CDH18: variants seen among roughly 807,000 people sequenced by gnomAD.
CDH18 encodes cadherin 18, also known as cadherin-18.
A neutral mutation model predicts 67.9 loss-of-function variants in CDH18; 31 were observed. The observed-to-expected ratio is 0.46, with a 90% confidence interval of 0.34 to 0.62. The LOEUF (loss-of-function observed/expected upper bound fraction) is 0.62. CDH18 is among the 20% of genes least tolerant of loss of function. The pLI, the probability that CDH18 is intolerant of heterozygous loss-of-function variation, is 0.01. For missense variants in CDH18, 890 were observed against 975.5 expected, an observed-to-expected ratio of 0.91 and a Z score of 1.17; for synonymous variants, 362 against 347.2, an observed-to-expected ratio of 1.04 and a Z score of -0.48.
intron 11 of CDH18, among the ~76,000 whole-genome samples, chr5:19,499,052 G>A (rs748051959): frequency 6.6e-6 from 1 of 152,172 alleles, no homozygotes; most frequent in Non-Finnish European, 1.5e-5. Flanking sequence ...ACTTGCCACA[G>A]AAACCTACAG....
intron 11 of CDH18, among the ~76,000 whole-genome samples, chr5:19,491,773 T>A (rs548078168): frequency 1.3e-5 from 2 of 152,028 alleles, no homozygotes; most frequent in East Asian, 3.9e-4. Flanking sequence ...ATAAATGTTA[T>A]GATCATTTTT....
intron 12 of CDH18, among the ~76,000 whole-genome samples, chr5:19,474,899 T>C (rs1738179287): frequency 6.6e-6 from 1 of 152,080 alleles, no homozygotes; most frequent in Admixed American, 6.6e-5. Flanking sequence ...CTGTTTCTAT[T>C]TGATGAAATT....
intron 2 of CDH18, among the ~76,000 whole-genome samples, chr5:20,178,885 G>C (rs1010703656): frequency 5.3e-5 from 8 of 152,074 alleles, no homozygotes; most frequent in Admixed American, 1.3e-4. Flanking sequence ...AATAAGTCAT[G>C]TGTTCTTGCA....
At chr5:19,487,717 G>C (rs1579740764) in intron 11 of CDH18, among the ~76,000 whole-genome samples, 1 of 151,922 alleles carries the variant, frequency 6.6e-6, no homozygotes, top group Non-Finnish European at 1.5e-5. Context: ...CCCATTTCTT[G>C]TTCAAAAAGA....
At chr5:19,543,723 T>A (rs1318731445) in intron 9 of CDH18, 146 bp downstream of exon 9, 1 of 467,800 alleles carries the variant, frequency 2.1e-6, no homozygotes, top group Non-Finnish European at 3.7e-6. Flanking sequence ...TATCTGATAA[T>A]GAGAAATTAT....
intron 2 of CDH18, among the ~76,000 whole-genome samples, chr5:20,249,382 CTTT>C (rs11395247): frequency 1.5e-5 from 2 of 129,726 alleles, no homozygotes; most frequent in Admixed American, 8.5e-5. Flanking sequence ...TCCTTTAAAA[CTTT>C]TTTTTTTTTT....
At chr5:20,485,527 T>A (rs1226501935) in intron 1 of CDH18, among the ~76,000 whole-genome samples, 2 of 152,172 alleles carry the variant, frequency 1.3e-5, no homozygotes, top group African/African-American at 4.8e-5. Flanking sequence ...AGTGCTCATA[T>A]GTGTATATGG....
At chr5:20,180,584 A>C (rs1277118661) in intron 2 of CDH18, among the ~76,000 whole-genome samples, 2 of 152,172 alleles carry the variant, frequency 1.3e-5, no homozygotes, top group Non-Finnish European at 2.9e-5. Context: ...CACAAATGTT[A>C]TGTTAAAGAA....
chr5:19,473,291 A>G lies in CDH18; in HGVS notation c.2308T>C (p.Trp770Arg), dbSNP rs757917709. 34 of 1,613,696 alleles carry G rather than the reference A, an allele frequency of 2.1e-5. No homozygotes were observed. Among genetic ancestry groups the G allele is most frequent in the Non-Finnish European group, 2.6e-5 (31 of 1,179,842 alleles). Residue 770 changes from tryptophan to arginine, a missense_variant, in exon 13 of 13, where the codon TGG becomes CGG. Coordinates refer to ENST00000382275, the MANE Select transcript of CDH18 (RefSeq NM_004934.5). ...SDQDYHYLGD[W>R]GPEFKKLAEL... ...GCTAACTTTTTAAACTCGGGTCCCCAGTCTCCAAGGTAGTGATAATCCTGG... is the reference window on the plus strand; with the variant it reads ...GCTAACTTTTTAAACTCGGGTCCCCGGTCTCCAAGGTAGTGATAATCCTGG...
intron 2 of CDH18, among the ~76,000 whole-genome samples, chr5:19,969,970 A>G (rs1449454071): frequency 6.6e-6 from 1 of 152,076 alleles, no homozygotes; most frequent in Admixed American, 6.6e-5. Context: ...ACAGTATAAG[A>G]CAGTGGAGAA....
chr5:20,509,245 T>C (rs1026223016), intron 1 of CDH18, among the ~76,000 whole-genome samples: 1 of 152,138 alleles, frequency 6.6e-6, no homozygotes, highest in African/African-American at 2.4e-5. Context: ...CTTCAATCCC[T>C]AACCGCACCC....
chr5:19,503,232 T>C, intron 10 of CDH18, 123 bp from the exon 11 acceptor site: 1 of 598,746 alleles, frequency 1.7e-6, no homozygotes, highest in Non-Finnish European at 2.9e-6. Context: ...CTTGAGTTAT[T>C]TTTCAAATTC....
intron 5 of CDH18, among the ~76,000 whole-genome samples, chr5:19,675,552 T>A (rs1194543873): frequency 6.6e-6 from 1 of 152,106 alleles, no homozygotes; most frequent in Non-Finnish European, 1.5e-5. Flanking sequence ...AAGAGAAATA[T>A]GGCTCTGTTC....
chr5:19,514,822 T>C (rs544565121), intron 10 of CDH18, among the ~76,000 whole-genome samples: 1 of 152,364 alleles, frequency 6.6e-6, no homozygotes, highest in Non-Finnish European at 1.5e-5. Context: ...TGGTAGTTTC[T>C]TTTGCTGTGC....
intron 2 of CDH18, among the ~76,000 whole-genome samples, chr5:20,133,645 C>T (rs555326901): frequency 6.6e-6 from 1 of 152,138 alleles, no homozygotes; most frequent in East Asian, 1.9e-4. Flanking sequence ...GTTAGGTTTG[C>T]TGCAATTCTT....
At chr5:19,869,393 C>T (rs772855992) in intron 2 of CDH18, among the ~76,000 whole-genome samples, 6 of 152,046 alleles carry the variant, frequency 3.9e-5, no homozygotes, top group East Asian at 1.9e-4. Context: ...ACCCTGAGAA[C>T]GAATGGCTAA....
At chr5:19,661,526 G>A (rs991038986) in intron 5 of CDH18, among the ~76,000 whole-genome samples, 3 of 151,060 alleles carry the variant, frequency 2.0e-5, no homozygotes, top group Non-Finnish European at 4.4e-5. Context: ...CTAGGGAGAG[G>A]GTATATGCAA....
intron 1 of CDH18, among the ~76,000 whole-genome samples, chr5:20,357,282 A>G (rs1741711313): frequency 1.3e-5 from 2 of 152,264 alleles, no homozygotes; most frequent in South Asian, 4.1e-4. Flanking sequence ...GGAGAGGAAG[A>G]GAAGGAAGGA....
At chr5:19,610,047 A>G (rs912760728) in intron 6 of CDH18, among the ~76,000 whole-genome samples, 2 of 152,088 alleles carry the variant, frequency 1.3e-5, no homozygotes, top group African/African-American at 4.8e-5. Flanking sequence ...CTGTTGCAAA[A>G]GCAGAATTGT....
Sources: allele counts gnomAD v4.1 joint callset (sites outside exome capture counted in the v4.1 genomes callset), GRCh38; gene constraint gnomAD v4.1.1; transcripts MANE v1.5; gene names NCBI Gene and HGNC (gene_info 2026-07-23, HGNC 2026-07-21).